HS3ST4: variants seen among roughly 807,000 people sequenced by gnomAD.
HS3ST4 encodes the protein heparan sulfate-glucosamine 3-sulfotransferase 4.
HS3ST4 carries 17 observed loss-of-function variants against 29.2 expected under a neutral mutation model. The ratio of observed to expected loss-of-function variants is 0.58; its 90% CI spans 0.40 to 0.87. The LOEUF is 0.87. Among genes scored for constraint, HS3ST4 ranks in the 40% least tolerant of loss-of-function variants. The probability of loss-of-function intolerance (pLI) is 0.00; values close to 1 mark genes in which losing one functional copy is unlikely to be tolerated. For synonymous variants in HS3ST4, 314 were observed against 285.7 expected (o/e 1.10, Z -1.00); for missense variants, 627 against 634.5 (o/e 0.99, Z 0.13).
At chr16:26,064,016 T>A (rs1212409351) in intron 1 of HS3ST4, among the ~76,000 whole-genome samples, 1 of 152,130 alleles carries the variant, frequency 6.6e-6, no homozygotes, top group African/African-American at 2.4e-5. Context: ...AATTAGATCT[T>A]AGGGAGTCGA....
chr16:26,082,325 G>T (rs1322717967), intron 1 of HS3ST4, among the ~76,000 whole-genome samples: 4 of 152,268 alleles, frequency 2.6e-5, no homozygotes, highest in East Asian at 1.9e-4. Flanking sequence ...TCAGTGGCTT[G>T]CTGCCTTTAC....
intron 1 of HS3ST4, among the ~76,000 whole-genome samples, chr16:25,855,372 A>G (rs1967565231): frequency 6.6e-6 from 1 of 152,210 alleles, no homozygotes; most frequent in Admixed American, 6.5e-5. Context: ...GATTTAGGAA[A>G]GGCCTGGCTG....
chr16:25,855,039 C>A (rs1444970113), intron 1 of HS3ST4, among the ~76,000 whole-genome samples: 2 of 152,126 alleles, frequency 1.3e-5, no homozygotes, highest in Admixed American at 1.3e-4. Context: ...GTAAGGTACA[C>A]ATTTGCTCAG....
chr16:25,898,890 A>C (rs1968095878), intron 1 of HS3ST4, among the ~76,000 whole-genome samples: 1 of 152,074 alleles, frequency 6.6e-6, no homozygotes. Flanking sequence ...TTTTCATGTA[A>C]CTCAATGCTC....
chr16:26,002,941 ATT>A (rs138032844), intron 1 of HS3ST4, among the ~76,000 whole-genome samples: 10,498 of 138,808 alleles, frequency 0.076, 464 homozygotes, highest in African/African-American at 0.15. Flanking sequence ...GCATTCTTAC[ATT>A]TTTTTTTTTT....
intron 1 of HS3ST4, among the ~76,000 whole-genome samples, chr16:25,764,212 A>T (rs1255888056): frequency 6.6e-6 from 1 of 152,214 alleles, no homozygotes; most frequent in Non-Finnish European, 1.5e-5. Flanking sequence ...AGGCAGTCAG[A>T]TGCAGAGGTC....
chr16:26,090,741 A>G (rs913274803), intron 1 of HS3ST4, among the ~76,000 whole-genome samples: 1 of 152,174 alleles, frequency 6.6e-6, no homozygotes, highest in African/African-American at 2.4e-5. Flanking sequence ...CCAAGCCACA[A>G]CAAAGAAAAT....
At chr16:25,975,962 A>G (rs1055481033) in intron 1 of HS3ST4, among the ~76,000 whole-genome samples, 2 of 152,232 alleles carry the variant, frequency 1.3e-5, no homozygotes, top group African/African-American at 4.8e-5. Flanking sequence ...CCCTCTCTGC[A>G]TCTCAGATGA....
At chr16:25,729,694 C>T (rs190625302) in intron 1 of HS3ST4, among the ~76,000 whole-genome samples, 3 of 152,196 alleles carry the variant, frequency 2.0e-5, no homozygotes, top group South Asian at 2.1e-4. Context: ...TCTTGCACTT[C>T]GGCAAAAATT....
intron 1 of HS3ST4, among the ~76,000 whole-genome samples, chr16:25,928,971 T>G (rs939264806): frequency 6.6e-6 from 1 of 152,142 alleles, no homozygotes; most frequent in African/African-American, 2.4e-5. Flanking sequence ...CTGTAAGTAA[T>G]TCAGGAAAGG....
At chr16:26,016,399 G>A (rs115887048) in intron 1 of HS3ST4, among the ~76,000 whole-genome samples, 1,800 of 152,244 alleles carry the variant, frequency 0.012, 33 homozygotes, top group African/African-American at 0.041. Flanking sequence ...ACTGAATCAC[G>A]TAGTAAAGAA....
intron 1 of HS3ST4, among the ~76,000 whole-genome samples, chr16:26,005,617 T>G (rs1397208537): frequency 6.6e-6 from 1 of 151,870 alleles, no homozygotes; most frequent in African/African-American, 2.4e-5. Flanking sequence ...TAGTAAGAAT[T>G]AGCCAGGTCT....
At chr16:25,803,845 G>C (rs1966964136) in intron 1 of HS3ST4, among the ~76,000 whole-genome samples, 1 of 152,074 alleles carries the variant, frequency 6.6e-6, no homozygotes, top group African/African-American at 2.4e-5. Flanking sequence ...CCTGTTCCTT[G>C]GTAGAACTAA....
At chr16:25,702,890 A>G (rs1255017127) in intron 1 of HS3ST4, among the ~76,000 whole-genome samples, 1 of 152,010 alleles carries the variant, frequency 6.6e-6, no homozygotes, top group South Asian at 2.1e-4. Flanking sequence ...GTTGAGCACG[A>G]TGGCTCACAA....
At chr16:26,098,433 A>G (rs1429782017) in intron 1 of HS3ST4, among the ~76,000 whole-genome samples, 5 of 152,178 alleles carry the variant, frequency 3.3e-5, no homozygotes, top group Non-Finnish European at 5.9e-5. Flanking sequence ...TGTCCTTTGC[A>G]GGGACAGGGA....
chr16:25,956,668 C>A (rs1968735644), intron 1 of HS3ST4, among the ~76,000 whole-genome samples: 1 of 152,022 alleles, frequency 6.6e-6, no homozygotes, highest in Non-Finnish European at 1.5e-5. Flanking sequence ...ACAATAAATT[C>A]TCAGCTGGGG....
chr16:25,747,366 C>T (rs575004586), intron 1 of HS3ST4, among the ~76,000 whole-genome samples: 7 of 152,232 alleles, frequency 4.6e-5, no homozygotes, highest in Non-Finnish European at 1.0e-4. Flanking sequence ...GGACAGCTCC[C>T]CAGGCAAAGC....
chr16:25,880,342 T>C (rs984669930), intron 1 of HS3ST4, among the ~76,000 whole-genome samples: 1 of 152,150 alleles, frequency 6.6e-6, no homozygotes, highest in Non-Finnish European at 1.5e-5. Flanking sequence ...GACACGTGGT[T>C]AACACTCAGT....
At chr16:25,797,188 C>T (rs187880363) in intron 1 of HS3ST4, among the ~76,000 whole-genome samples, 34 of 152,238 alleles carry the variant, frequency 2.2e-4, no homozygotes, top group East Asian at 1.7e-3. Flanking sequence ...AGAAAAACCA[C>T]GTAGACAGGT....
Sources: allele counts gnomAD v4.1 joint callset (sites outside exome capture counted in the v4.1 genomes callset), GRCh38; gene constraint gnomAD v4.1.1; transcripts MANE v1.5; gene names NCBI Gene and HGNC (gene_info 2026-07-23, HGNC 2026-07-21).